The following CD177 variants were observed in gnomAD, a reference collection of about 807,000 sequenced individuals.
CD177 encodes the protein CD177 molecule.
A neutral mutation model predicts 38.1 loss-of-function variants in CD177; 41 were observed. The ratio of observed to expected loss-of-function variants is 1.07; its 90% CI spans 0.84 to 1.39. The LOEUF is 1.39. Among genes scored for constraint, CD177 ranks in the 40% most tolerant of loss-of-function variants. CD177 has a pLI of 0.00. For synonymous variants in CD177, 236 were observed against 216.7 expected, an observed-to-expected ratio of 1.09 and a Z score of -0.78; for missense variants, 619 against 523.8, an observed-to-expected ratio of 1.18 and a Z score of -1.77.
chr19:43,354,597 A>T, intron 3 of CD177: 1 of 605,186 alleles, frequency 1.7e-6, no homozygotes, highest in African/African-American at 1.9e-5. Context: ...CCTCCCACCG[A>T]CCTGCCACCC....
Position 43,354,254 on chromosome 19 carries a change from G to A in CD177, c.241G>A (p.Asp81Asn), listed in dbSNP as rs377676525. Reference sequence around the variant, plus strand: ...CTCCAAGGGCTGCACGGAGGCCAAGGACCAGGAGCCCCGCGTCACTGAGCA... The same window carrying A: ...CTCCAAGGGCTGCACGGAGGCCAAGAACCAGGAGCCCCGCGTCACTGAGCA... ...VLSKGCTEAK[D>N]QEPRVTEHRM... Residue 81 changes from aspartate to asparagine, a missense_variant, in exon 3 of 9, where the codon GAC becomes AAC. By Grantham distance (23) the Asp-to-Asn change is conservative. Transcript: ENST00000618265. The A allele has an allele frequency of 1.2e-6, 2 of 1,613,786 alleles. No individual in the cohort carries two copies. The highest frequency in any genetic ancestry group is 1.7e-5 in the Admixed American group (1 of 60,010).
chr19:43,353,859 A>C lies in CD177; in HGVS notation c.59A>C (p.Gln20Pro). ...TTTGCTCTTGCCACTCCAGGAGTGCAGGCGCTGCTCTGCCAGTTTGGGACA... is the reference window on the plus strand; with the variant it reads ...TTTGCTCTTGCCACTCCAGGAGTGCCGGCGCTGCTCTGCCAGTTTGGGACA... ...LGFILPLPGV[Q>P]ALLCQFGTVQ... Residue 20 changes from glutamine to proline, a missense_variant, in exon 2 of 9, where the codon CAG becomes CCG. By Grantham distance (76) the Gln-to-Pro change is moderately conservative. Transcript: ENST00000618265. The C allele has an allele frequency of 6.2e-7, 1 of 1,613,880 alleles. No homozygotes were observed. The highest frequency in any genetic ancestry group is 8.5e-7 in the Non-Finnish European group (1 of 1,179,842).
At chr19:43,365,219 C>G (rs1488500690), downstream of CD177, among the ~76,000 whole-genome samples, 2 of 140,752 alleles carry the variant, frequency 1.4e-5, no homozygotes, top group African/African-American at 5.5e-5. Context: ...TGTAAAATGA[C>G]GCCTTCCAGG....
chr19:43,354,281 C>G lies in CD177; in HGVS notation c.268C>G (p.Arg90Gly). 6.2e-7 allele frequency: 1 copy of G among 1,613,944 alleles called. No homozygotes were observed. ...CCAGGAGCCCCGCGTCACTGAGCAC[C>G]GGATGGGCCCCGGCCTCTCCCTGAT... ...KDQEPRVTEH[R>G]MGPGLSLISY... Residue 90 changes from arginine (R) to glycine (G), a missense_variant, in exon 3 of 9, where the codon CGG becomes GGG. Coordinates refer to ENST00000618265, the MANE Select transcript of CD177 (RefSeq NM_020406.4).
At position 43,361,153 on chromosome 19, in the gene CD177, A is replaced by C. The variant is rs1325617926; in HGVS notation, c.771A>C (p.Ser257=). 1.3e-6 allele frequency: 2 copies of C among 1,521,856 alleles called. No homozygotes were observed. The highest frequency in any genetic ancestry group is 3.4e-5 in the Admixed American group (2 of 59,306). The allele number at this position is 1,521,856 out of a possible 1,614,324, so 94.3% of individuals were successfully genotyped here. ...CCCTCTCACCCTCAGGACTCACATC[A>C]ACCCTGGTGGGGACAAAAGGCTGCA... The part of the protein sequence containing the change: ...TLLLLDVGLT[S]TLVGTKGCST... The change falls in exon 7 of 9, where the codon TCA becomes TCC. Residue 257 remains serine, a synonymous_variant. Coordinates refer to ENST00000618265, the MANE Select transcript of CD177 (RefSeq NM_020406.4).
At position 43,353,965 on chromosome 19, in the gene CD177, C is replaced by G; in HGVS notation, c.165C>G (p.Cys55Trp). Residue 55 changes from cysteine (C) to tryptophan (W), a missense_variant, in exon 2 of 9, where the codon TGC (cysteine) becomes TGG (tryptophan). Cys to Trp is a radical substitution (Grantham distance 215). Coordinates refer to ENST00000618265, the MANE Select transcript of CD177 (RefSeq NM_020406.4). ...CCAGCTGCGACAGCGGCTTGGGGTG[C>G]CAGGACACGTTGATGCTCATTGAGA... ...KNTSCDSGLG[C>W]QDTLMLIESG... 1 of 1,613,834 alleles carries G rather than the reference C, an allele frequency of 6.2e-7. No individual in the cohort carries two copies. Among genetic ancestry groups the G allele is most frequent in the Non-Finnish European group, 8.5e-7 (1 of 1,179,808 alleles).
At chr19:43,365,713 G>A (rs534824481), downstream of CD177, among the ~76,000 whole-genome samples, 135 of 148,820 alleles carry the variant, frequency 9.1e-4, 3 homozygotes, top group Admixed American at 8.5e-3. Flanking sequence ...TCTGCTGGGC[G>A]CCAGCTCACC....
At chr19:43,355,132 G>A (rs1188971630) in intron 3 of CD177, among the ~76,000 whole-genome samples, 1 of 41,710 alleles carries the variant, frequency 2.4e-5, no homozygotes. Flanking sequence ...TTTTTTTTCT[G>A]AGAAAGCGTC....
chr19:43,361,786 G>A (rs1969971118), intron 8 of CD177, among the ~76,000 whole-genome samples: 1 of 148,410 alleles, frequency 6.7e-6, no homozygotes, highest in African/African-American at 2.5e-5. Context: ...CCTGGTCCCA[G>A]GGAGGAGGGG....
chr19:43,361,648 AGG>A (rs1220478464), intron 8 of CD177, 69 bp downstream of exon 8: 9 of 1,474,498 alleles, frequency 6.1e-6, no homozygotes, highest in African/African-American at 5.9e-5. Flanking sequence ...CTGAGGGAGG[AGG>A]GGCTGGGGGC....
At chr19:43,360,648 G>C (rs1969949667) in intron 6 of CD177, 4 of 506,410 alleles carry the variant, frequency 7.9e-6, no homozygotes, top group South Asian at 2.5e-5. Flanking sequence ...CCTGCCCAGG[G>C]TGGAGAACCG....
chr19:43,362,239 G>A lies in CD177; in HGVS notation c.1233G>A (p.Glu411=). The A allele has an allele frequency of 6.2e-7, 1 of 1,612,044 alleles. No individual in the cohort carries two copies. Among genetic ancestry groups the A allele is most frequent in the East Asian group, 2.2e-5 (1 of 44,850 alleles). The part of the protein sequence containing the change: ...PASQHEGGGA[E]GLESLTWGVG... ...CTCAGCATGAGGGAGGTGGGGCTGA[G>A]GGCCTGGAGTCTCTCACTTGGGGGG... Residue 411 remains glutamate (E), a synonymous_variant, in exon 9 of 9, where the codon GAG becomes GAA. Transcript: ENST00000618265.
In CD177 at chr19:43,360,102, A is replaced by G. The variant is rs527811158; in HGVS notation, c.620-163A>G. Among the ~76,000 whole-genome samples, 1,411 of 150,652 alleles carry G rather than the reference A, an allele frequency of 9.4e-3. 35 individuals carry two copies. Among genetic ancestry groups the G allele is most frequent in the African/African-American group, 0.032 (1,306 of 40,624 alleles). ...AGAAACAGGGAACAATGGGGGTGGG[A>G]TTTCGACTCCCAAGTCCCTTCTGAA... On this transcript the variant is annotated intron_variant, in intron 5 of 8. Transcript: ENST00000618265.
At chr19:43,354,433 G>T (rs746649455) in intron 3 of CD177, 41 bp downstream of exon 3, 5 of 1,602,594 alleles carry the variant, frequency 3.1e-6, no homozygotes, top group Admixed American at 1.7e-5. Context: ...GGGGCTGCTA[G>T]AAGGGGATCC....
At chr19:43,359,981 T>A (rs570307231) in intron 5 of CD177, among the ~76,000 whole-genome samples, 17,183 of 149,472 alleles carry the variant, frequency 0.11, 1,133 homozygotes, top group East Asian at 0.17. Flanking sequence ...AGAGATGGGA[T>A]GAGGATAAGG....
chr19:43,361,796 G>A (rs1488880083), intron 8 of CD177, among the ~76,000 whole-genome samples: 3 of 148,478 alleles, frequency 2.0e-5, no homozygotes, highest in South Asian at 2.1e-4. Flanking sequence ...GGGAGGAGGG[G>A]CTGGGTGCCT....
rs766634373 is a variant in CD177, at chr19:43,353,989, G to A, written c.189G>A (p.Glu63=). 11 of 1,613,520 alleles carry A rather than the reference G, an allele frequency of 6.8e-6. No individual in the cohort carries two copies. Among genetic ancestry groups the A allele is most frequent in the African/African-American group, 2.7e-5 (2 of 74,888 alleles). Residue 63 remains glutamate (E), a synonymous_variant, in exon 2 of 9, where the codon GAG becomes GAA. Coordinates refer to ENST00000618265, the MANE Select transcript of CD177 (RefSeq NM_020406.4). Reference sequence around the variant, plus strand: ...GCCAGGACACGTTGATGCTCATTGAGAGCGGTGAGAAGGCCCTGGCGTGCA... The same window carrying A: ...GCCAGGACACGTTGATGCTCATTGAAAGCGGTGAGAAGGCCCTGGCGTGCA... The part of the protein sequence containing the change: ...LGCQDTLMLI[E]SGPQVSLVLS...
chr19:43,360,203 A>C, intron 5 of CD177, 62 bp from the exon 6 acceptor site: 2 of 1,576,034 alleles, frequency 1.3e-6, no homozygotes, highest in South Asian at 2.3e-5. Context: ...CTAGCCCAGG[A>C]CGTGGAGGGA....
Position 43,354,269 on chromosome 19 carries a change from G to A in CD177, c.256G>A (p.Val86Ile). The A allele has an allele frequency of 1.2e-6, 2 of 1,613,896 alleles. No homozygotes were observed. The highest frequency in any genetic ancestry group is 1.7e-6 in the Non-Finnish European group (2 of 1,179,882). Residue 86 changes from valine to isoleucine, a missense_variant, in exon 3 of 9, where the codon GTC (valine) becomes ATC (isoleucine). Physicochemically the swap from Val to Ile is conservative, Grantham distance 29. Transcript: ENST00000618265. ...GGAGGCCAAGGACCAGGAGCCCCGC[G>A]TCACTGAGCACCGGATGGGCCCCGG... is the stretch of plus-strand genomic sequence containing the variant. ...CTEAKDQEPR[V>I]TEHRMGPGLS...
Sources: gnomAD v4.1 joint callset for allele counts (sites outside exome capture counted in the v4.1 genomes callset) on GRCh38, gnomAD v4.1.1 for gene constraint, MANE v1.5 for transcripts, NCBI Gene and HGNC (gene_info 2026-07-23, HGNC 2026-07-21) for gene names.